SHISA9: variants seen among roughly 807,000 people sequenced by gnomAD.
SHISA9 encodes shisa family member 9, also known as protein shisa-9.
In SHISA9, 13 loss-of-function variants were observed where a neutral mutation model predicts 38.0. The observed-to-expected ratio is 0.34, with a 90% CI of 0.22 to 0.54. The LOEUF (loss-of-function observed/expected upper bound fraction) is 0.54. Among genes scored for constraint, SHISA9 ranks in the 20% least tolerant of loss-of-function variants. The probability of loss-of-function intolerance (pLI) is 0.91; values close to 1 mark genes in which losing one functional copy is unlikely to be tolerated. For synonymous variants in SHISA9, 275 were observed against 242.0 expected (o/e 1.14, Z -1.27); for missense variants, 538 against 575.8 (o/e 0.93, Z 0.67).
At chr16:13,469,862 G>A in the SHISA9 span, among the ~76,000 whole-genome samples, 1 of 152,172 alleles carries the variant, frequency 6.6e-6, no homozygotes, top group Non-Finnish European at 1.5e-5. Flanking sequence ...TGGGTGGGAA[G>A]TTTGCTCTTT....
At chr16:13,018,175 G>A (rs1296229734) in intron 2 of SHISA9, among the ~76,000 whole-genome samples, 1 of 152,164 alleles carries the variant, frequency 6.6e-6, no homozygotes, top group Non-Finnish European at 1.5e-5. Flanking sequence ...CTCTGTTTTG[G>A]ATACATTCTC....
chr16:13,213,138 G>T, intron 3 of SHISA9, 115 bp from the exon 4 acceptor site: 1 of 851,826 alleles, frequency 1.2e-6, no homozygotes, highest in Non-Finnish European at 1.9e-6. Flanking sequence ...CCTGAGGCCT[G>T]TCCCTGCTTG....
intron 2 of SHISA9, among the ~76,000 whole-genome samples, chr16:12,970,394 T>C (rs1289131028): frequency 5.5e-5 from 1 of 18,334 alleles, no homozygotes; most frequent in Admixed American, 1.0e-3. Flanking sequence ...TATATGTATA[T>C]ATATATATAC....
the SHISA9 span, among the ~76,000 whole-genome samples, chr16:13,387,830 C>T: frequency 9.9e-5 from 15 of 152,156 alleles, no homozygotes; most frequent in South Asian, 1.2e-3. Flanking sequence ...GAAAATGACT[C>T]GCTAACTATG....
chr16:12,988,127 C>G (rs1279632645), intron 2 of SHISA9, among the ~76,000 whole-genome samples: 1 of 152,240 alleles, frequency 6.6e-6, no homozygotes, highest in African/African-American at 2.4e-5. Context: ...ACTGAGACTC[C>G]TGTGTCTCTA....
intron 2 of SHISA9, among the ~76,000 whole-genome samples, chr16:13,061,546 G>C (rs1304627118): frequency 3.3e-5 from 5 of 152,182 alleles, no homozygotes; most frequent in Non-Finnish European, 7.3e-5. Flanking sequence ...GAATGCATTA[G>C]CTAGACTGGG....
At chr16:13,544,545 A>T in the SHISA9 span, among the ~76,000 whole-genome samples, 1 of 150,432 alleles carries the variant, frequency 6.6e-6, no homozygotes, top group Non-Finnish European at 1.5e-5. Context: ...CTTGGCTGAT[A>T]AATTACTATC....
the SHISA9 span, among the ~76,000 whole-genome samples, chr16:13,403,493 A>C: frequency 2.0e-5 from 3 of 152,226 alleles, no homozygotes; most frequent in Non-Finnish European, 4.4e-5. Context: ...TGCAGAATGC[A>C]CTTCAAGTAG....
chr16:13,262,670 A>AAGGAAAGAAGGGAGGG, the SHISA9 span, among the ~76,000 whole-genome samples: 2 of 70,668 alleles, frequency 2.8e-5, no homozygotes, highest in Non-Finnish European at 5.7e-5. Flanking sequence ...GGAAGGAAGG[A>AAGGAAAGAAGGGAGGG]AGGGAGGGAG....
the SHISA9 span, among the ~76,000 whole-genome samples, chr16:13,315,952 C>T: frequency 6.6e-6 from 1 of 152,006 alleles, no homozygotes; most frequent in Non-Finnish European, 1.5e-5. Flanking sequence ...TGAACTGTTG[C>T]TCACTACATA....
At chr16:13,493,015 G>A in the SHISA9 span, among the ~76,000 whole-genome samples, 1 of 152,150 alleles carries the variant, frequency 6.6e-6, no homozygotes, top group Admixed American at 6.5e-5. Context: ...GCTGCAAGAG[G>A]ATAGATCTGA....
At chr16:13,171,041 C>A (rs1017080534) in intron 2 of SHISA9, among the ~76,000 whole-genome samples, 1 of 152,188 alleles carries the variant, frequency 6.6e-6, no homozygotes, top group African/African-American at 2.4e-5. Flanking sequence ...GTACAAGAAG[C>A]ATGGTGCTGG....
intron 2 of SHISA9, among the ~76,000 whole-genome samples, chr16:13,097,716 C>G (rs1296703505): frequency 6.6e-6 from 1 of 152,110 alleles, no homozygotes; most frequent in East Asian, 1.9e-4. Context: ...ATCATGCAGT[C>G]TTTAGTAGCT....
chr16:12,936,196 T>G (rs1302969183), intron 2 of SHISA9, among the ~76,000 whole-genome samples: 1 of 152,190 alleles, frequency 6.6e-6, no homozygotes, highest in African/African-American at 2.4e-5. Context: ...GGGGAAGCTC[T>G]CCAGCAATCT....
the SHISA9 span, among the ~76,000 whole-genome samples, chr16:13,450,826 G>T: frequency 6.6e-6 from 1 of 152,152 alleles, no homozygotes; most frequent in East Asian, 1.9e-4. Flanking sequence ...CTAGCGATCT[G>T]CCCTATTAGG....
chr16:13,305,234 T>C, the SHISA9 span, among the ~76,000 whole-genome samples: 191 of 152,312 alleles, frequency 1.3e-3, no homozygotes, highest in African/African-American at 4.0e-3. Flanking sequence ...TACTACAATC[T>C]GTCACGTGAA....
At chr16:13,268,564 A>C in the SHISA9 span, among the ~76,000 whole-genome samples, 5 of 152,106 alleles carry the variant, frequency 3.3e-5, no homozygotes, top group Admixed American at 6.6e-5. Flanking sequence ...GTTGTACAAG[A>C]CTTAGCAGCA....
the SHISA9 span, among the ~76,000 whole-genome samples, chr16:13,510,134 C>T: frequency 2.0e-5 from 3 of 152,052 alleles, no homozygotes; most frequent in Non-Finnish European, 2.9e-5. Flanking sequence ...GGTGAAATCC[C>T]GTCTCTACTA....
the SHISA9 span, among the ~76,000 whole-genome samples, chr16:13,343,528 C>T: frequency 2.0e-5 from 3 of 152,170 alleles, no homozygotes; most frequent in Middle Eastern, 3.4e-3. Flanking sequence ...AAAGCATATT[C>T]CATGAAGTGA....
Sources: gnomAD v4.1 joint callset for allele counts (sites outside exome capture counted in the v4.1 genomes callset) on GRCh38, gnomAD v4.1.1 for gene constraint, MANE v1.5 for transcripts, NCBI Gene and HGNC (gene_info 2026-07-23, HGNC 2026-07-21) for gene names.